The following PPP5C variants were observed in gnomAD, a reference collection of about 807,000 sequenced individuals.
PPP5C encodes serine/threonine-protein phosphatase 5.
Under a neutral mutation model 66.7 loss-of-function variants are expected in PPP5C, and 21 were observed. The observed-to-expected ratio is 0.31, with a 90% CI of 0.22 to 0.45. The LOEUF (loss-of-function observed/expected upper bound fraction) is 0.45. PPP5C is among the 20% of genes least tolerant of loss of function. The pLI, the probability that PPP5C is intolerant of heterozygous loss-of-function variation, is 1.00. For synonymous variants in PPP5C, 246 were observed against 257.4 expected (o/e 0.96, Z 0.43); for missense variants, 464 against 675.9 (o/e 0.69, Z 3.48).
chr19:46,380,584 TC>T (rs1479402603), intron 4 of PPP5C, among the ~76,000 whole-genome samples: 1 of 152,240 alleles, frequency 6.6e-6, no homozygotes, highest in African/African-American at 2.4e-5. Context: ...TTTTAGCATT[TC>T]TTACAGTGCA....
chr19:46,370,503 C>T (rs896548291), intron 2 of PPP5C, among the ~76,000 whole-genome samples: 6 of 152,082 alleles, frequency 3.9e-5, no homozygotes, highest in African/African-American at 1.2e-4. Flanking sequence ...CCCTGAAGGA[C>T]CTGCGTGAGG....
Position 46,383,733 on chromosome 19 carries a change from C to A in PPP5C, c.700-47C>A. The A allele has an allele frequency of 6.8e-7, 1 of 1,478,214 alleles. No individual in the cohort carries two copies. The highest frequency in any genetic ancestry group is 9.5e-7 in the Non-Finnish European group (1 of 1,057,498). 91.6% of individuals were successfully genotyped at this position (1,478,214 alleles called of 1,614,324 possible). A position where few individuals can be genotyped will look rare whatever the true frequency, so the allele number is the denominator to read the frequency against. On this transcript the variant is annotated intron_variant, in intron 5 of 12. Coordinates refer to ENST00000012443, the MANE Select transcript of PPP5C (RefSeq NM_006247.4). The surrounding 1 kb of genome is among the most constrained non-coding windows in gnomAD (Gnocchi z 5.0). ...TCCCCTCACCTCTGCCCCCTCCCCA[C>A]GTCTCTCTCTCGGCCCGTCCCTCTC...
At position 46,389,952 on chromosome 19, in the gene PPP5C, C is replaced by G; in HGVS notation, c.1356-99C>G. 3 of 1,071,900 alleles carry G rather than the reference C, an allele frequency of 2.8e-6. No individual in the cohort carries two copies. In the South Asian group the frequency reaches 3.9e-5, roughly 14 times the overall value. The allele number at this position is 1,071,900 out of a possible 1,614,324, so 66.4% of individuals were successfully genotyped here. A position where few individuals can be genotyped will look rare whatever the true frequency, so the allele number is the denominator to read the frequency against. ...TGTGTCTGTTGTGGCTCTGTCCCTCCCTCTCCCTCTGTCCCTTCTTGCCCA... is the reference window on the plus strand; with the variant it reads ...TGTGTCTGTTGTGGCTCTGTCCCTCGCTCTCCCTCTGTCCCTTCTTGCCCA... On this transcript the variant is annotated intron_variant, in intron 11 of 12. Transcript: ENST00000012443.
At chr19:46,348,381 T>C (rs1236224426) in intron 1 of PPP5C, among the ~76,000 whole-genome samples, 1 of 147,916 alleles carries the variant, frequency 6.8e-6, no homozygotes, top group Admixed American at 6.9e-5. Context: ...TGGCGCAATC[T>C]CGGCTCACTG....
intron 2 of PPP5C, among the ~76,000 whole-genome samples, chr19:46,356,823 A>T (rs1671344225): frequency 6.6e-6 from 1 of 152,188 alleles, no homozygotes; most frequent in Non-Finnish European, 1.5e-5. Flanking sequence ...TGTGATATAA[A>T]AATCCCTATT....
Position 46,371,107 on chromosome 19 carries a change from C to T in PPP5C, c.364-4497C>T, listed in dbSNP as rs1972583537. Among the ~76,000 whole-genome samples, 3 of 152,286 alleles carry T rather than the reference C, an allele frequency of 2.0e-5. No homozygotes were observed. In the South Asian group the frequency reaches 6.2e-4, roughly 32 times the overall value. On this transcript the variant is annotated intron_variant, in intron 2 of 12. Coordinates refer to ENST00000012443, the MANE Select transcript of PPP5C (RefSeq NM_006247.4). ...ACCCTGACTCTCATGATGGATGTCC[C>T]TCACGGGGTCCTTTTCCGGAAGACA...
intron 2 of PPP5C, among the ~76,000 whole-genome samples, chr19:46,374,267 A>G (rs972285343): frequency 2.6e-5 from 4 of 151,580 alleles, no homozygotes; most frequent in African/African-American, 7.3e-5. Context: ...TGTCACACCA[A>G]CCTGCAGGGG....
At chr19:46,347,805 C>T (rs1401593613) in intron 1 of PPP5C, among the ~76,000 whole-genome samples, 1 of 152,014 alleles carries the variant, frequency 6.6e-6, no homozygotes. Flanking sequence ...GGCACCCATT[C>T]ATTCATTAAT....
Position 46,388,224 on chromosome 19 carries a change from T to TG in PPP5C, c.1136-179dup, listed in dbSNP as rs988916030. 3 of 617,580 alleles carry TG rather than the reference T, an allele frequency of 4.9e-6. No individual in the cohort carries two copies. In the East Asian group the frequency reaches 8.4e-5, roughly 17 times the overall value. 38.3% of individuals were successfully genotyped at this position (617,580 alleles called of 1,614,324 possible). A position where few individuals can be genotyped will look rare whatever the true frequency, so the allele number is the denominator to read the frequency against. On this transcript the variant is annotated intron_variant, in intron 9 of 12. Coordinates refer to ENST00000012443, the MANE Select transcript of PPP5C (RefSeq NM_006247.4). This position sits in a 1 kb window ranked among gnomAD's most constrained non-coding sequence, Gnocchi z 4.9. ...CTGGAGGGCAGATCAGCAGAGAGGG[T>TG]GGGGGTGGCTCAGAATCACAGTCAC... is the stretch of plus-strand genomic sequence containing the variant.
rs561357601 is a variant in PPP5C, at chr19:46,390,745, C to T, written c.*399C>T. On this transcript the variant is annotated 3_prime_UTR_variant, in exon 13 of 13. Coordinates refer to ENST00000012443, the MANE Select transcript of PPP5C (RefSeq NM_006247.4). ...GTCAGCAGGGGGGCCCCGCCTGCGCCTCCCCTCCTATAGCCCCATGGTGGG... is the reference window on the plus strand; with the variant it reads ...GTCAGCAGGGGGGCCCCGCCTGCGCTTCCCCTCCTATAGCCCCATGGTGGG... 51 of 1,136,864 alleles carry T rather than the reference C, an allele frequency of 4.5e-5. No homozygotes were observed. In the African/African-American group the frequency reaches 6.9e-4, roughly 15 times the overall value. 70.4% of individuals were successfully genotyped at this position (1,136,864 alleles called of 1,614,324 possible).
At chr19:46,377,621 A>C (rs540332421) in intron 4 of PPP5C, among the ~76,000 whole-genome samples, 11 of 152,348 alleles carry the variant, frequency 7.2e-5, no homozygotes, top group Middle Eastern at 3.4e-3. Context: ...CATTTCCATC[A>C]ACCAGAAAGC....
intron 1 of PPP5C, among the ~76,000 whole-genome samples, chr19:46,350,834 C>T (rs1457617822): frequency 6.6e-6 from 1 of 152,134 alleles, no homozygotes; most frequent in Non-Finnish European, 1.5e-5. Context: ...TTGGCTCCCA[C>T]GTTCAGGTTC....
chr19:46,354,101 GC>G, intron 2 of PPP5C, 112 bp downstream of exon 2: 1 of 1,426,710 alleles, frequency 7.0e-7, no homozygotes, highest in South Asian at 1.4e-5. Context: ...CACTCAGCCA[GC>G]CAGCAAGTGC....
chr19:46,358,836 G>T (rs555778912), intron 2 of PPP5C, among the ~76,000 whole-genome samples: 2 of 152,158 alleles, frequency 1.3e-5, no homozygotes, highest in Non-Finnish European at 2.9e-5. Flanking sequence ...TGGCATCCGT[G>T]TATGGCATTG....
intron 2 of PPP5C, among the ~76,000 whole-genome samples, chr19:46,365,553 A>G (rs1972476494): frequency 1.3e-5 from 2 of 152,180 alleles, no homozygotes; most frequent in Non-Finnish European, 2.9e-5. Context: ...TGTGTCTTGG[A>G]ATCTCTTATC....
At chr19:46,369,459 C>G (rs886396931) in intron 2 of PPP5C, among the ~76,000 whole-genome samples, 7 of 151,704 alleles carry the variant, frequency 4.6e-5, no homozygotes, top group African/African-American at 1.7e-4. Context: ...GGTGAAACAC[C>G]GTCTCTACTA....
At chr19:46,379,910 C>A (rs1036097258) in intron 4 of PPP5C, among the ~76,000 whole-genome samples, 3 of 152,146 alleles carry the variant, frequency 2.0e-5, no homozygotes, top group South Asian at 2.1e-4. Flanking sequence ...AATCATTTCC[C>A]GGAACCCTGG....
chr19:46,368,817 A>G (rs1448908675), intron 2 of PPP5C, among the ~76,000 whole-genome samples: 3 of 152,132 alleles, frequency 2.0e-5, no homozygotes, highest in African/African-American at 7.2e-5. Flanking sequence ...AGAGTGTTTT[A>G]TTTTCCATTA....
intron 1 of PPP5C, among the ~76,000 whole-genome samples, chr19:46,347,953 A>G: frequency 6.7e-6 from 1 of 148,916 alleles, no homozygotes; most frequent in East Asian, 1.9e-4. Context: ...AAAAAAAAAA[A>G]CAAAAAAAAA....
Sources: allele counts gnomAD v4.1 joint callset (sites outside exome capture counted in the v4.1 genomes callset), GRCh38; gene constraint gnomAD v4.1.1; non-coding constraint Gnocchi (gnomAD v3.1); transcripts MANE v1.5; gene names NCBI Gene and HGNC (gene_info 2026-07-23, HGNC 2026-07-21).